The following NFATC1 variants were observed in gnomAD, a reference collection of about 807,000 sequenced individuals.
NFATC1 encodes the protein nuclear factor of activated T-cells, cytoplasmic 1.
Under a neutral mutation model 76.0 loss-of-function variants are expected in NFATC1, and 22 were observed. The observed-to-expected ratio is 0.29, with a 90% confidence interval of 0.21 to 0.41. The LOEUF (loss-of-function observed/expected upper bound fraction) is 0.41, where lower values mean the gene tolerates loss of function less well. Ranked by LOEUF, NFATC1 falls within the 10% of genes least tolerant of loss-of-function variation. The pLI is 1.00. For missense variants in NFATC1, 1,357 were observed against 1,337.7 expected (o/e 1.01, Z -0.23); for synonymous variants, 704 against 613.1 (o/e 1.15, Z -2.19).
chr18:79,522,910 C>G (rs1306748827), intron 9 of NFATC1, among the ~76,000 whole-genome samples: 2 of 152,212 alleles, frequency 1.3e-5, no homozygotes, highest in Non-Finnish European at 2.9e-5. Flanking sequence ...CAGCGGGGCC[C>G]CAGGCCGCCA....
At chr18:79,461,180 G>A in intron 6 of NFATC1, 131 bp from the exon 7 acceptor site, 1 of 966,654 alleles carries the variant, frequency 1.0e-6, no homozygotes, top group South Asian at 1.4e-5. Flanking sequence ...CCCTGGGATG[G>A]GCCTACGTGG....
chr18:79,403,200 T>TC (rs2085325377), intron 1 of NFATC1, among the ~76,000 whole-genome samples: 1 of 152,244 alleles, frequency 6.6e-6, no homozygotes. Context: ...TGGACTTAGG[T>TC]CCAGGCTGCG....
chr18:79,460,023 A>AT (rs1445627936), intron 6 of NFATC1, among the ~76,000 whole-genome samples: 2 of 151,952 alleles, frequency 1.3e-5, no homozygotes, highest in African/African-American at 2.4e-5. Flanking sequence ...GTTTCCTGTA[A>AT]TTTTTTTCCT....
At chr18:79,428,496 C>T (rs927706870) in intron 2 of NFATC1, among the ~76,000 whole-genome samples, 3 of 152,268 alleles carry the variant, frequency 2.0e-5, no homozygotes, top group African/African-American at 7.2e-5. Context: ...AGTGGTTCTG[C>T]GCTCAGGGCA....
chr18:79,404,410 T>C (rs1472100456), intron 1 of NFATC1, among the ~76,000 whole-genome samples: 1 of 152,260 alleles, frequency 6.6e-6, no homozygotes, highest in African/African-American at 2.4e-5. Context: ...CCGGTGCCAC[T>C]GTGAGGCAGC....
chr18:79,508,404 G>C (rs190787590), intron 9 of NFATC1, among the ~76,000 whole-genome samples: 1 of 152,204 alleles, frequency 6.6e-6, no homozygotes, highest in African/African-American at 2.4e-5. Context: ...GTGAGGGGGC[G>C]CATGGGCAGG....
chr18:79,467,292 C>G (rs1391220699), intron 7 of NFATC1, among the ~76,000 whole-genome samples, 158 bp from the exon 8 acceptor site: 2 of 145,436 alleles, frequency 1.4e-5, no homozygotes, highest in Admixed American at 1.3e-4. Flanking sequence ...CAGTCCTGTG[C>G]TGCCGTGGAA....
At chr18:79,513,365 AG>A (rs2090305815) in intron 9 of NFATC1, among the ~76,000 whole-genome samples, 1 of 152,228 alleles carries the variant, frequency 6.6e-6, no homozygotes, top group South Asian at 2.1e-4. Context: ...CTCAAGGACC[AG>A]GCTTGAGGAT....
intron 3 of NFATC1, among the ~76,000 whole-genome samples, chr18:79,445,400 G>A (rs1325991891): frequency 1.3e-5 from 2 of 152,180 alleles, no homozygotes; most frequent in East Asian, 3.9e-4. Flanking sequence ...GTGGCTGGAC[G>A]TCCTCCCATG....
intron 9 of NFATC1, chr18:79,498,325 T>G (rs954754006): frequency 6.8e-6 from 1 of 146,508 alleles, no homozygotes; most frequent in African/African-American, 2.6e-5. Flanking sequence ...TCTTACCAGA[T>G]AGAGAATATC....
Position 79,526,135 on chromosome 18 carries a change from G to A in NFATC1, c.2783-1393G>A, listed in dbSNP as rs530026500. ...CAGCGCCGCCCGAGTGTCACGGAAAGTGCCTCTGGTGAGGAGCTGCCGTGC... is the reference window on the plus strand; with the variant it reads ...CAGCGCCGCCCGAGTGTCACGGAAAATGCCTCTGGTGAGGAGCTGCCGTGC... On this transcript the variant is annotated intron_variant, in intron 9 of 9. Coordinates refer to ENST00000427363, the MANE Select transcript of NFATC1 (RefSeq NM_001278669.2). Among the ~76,000 whole-genome samples the A allele has an allele frequency of 6.6e-5, 10 of 152,404 alleles. No homozygotes were observed. The East Asian group carries it at 1.9e-3, about 29-fold the overall frequency.
intron 6 of NFATC1, 44 bp from the exon 7 acceptor site, chr18:79,461,267 C>A: frequency 6.2e-7 from 1 of 1,611,102 alleles, no homozygotes; most frequent in African/African-American, 1.3e-5. Context: ...GAGGGGGCTC[C>A]CCACCACACA....
intron 9 of NFATC1, among the ~76,000 whole-genome samples, chr18:79,515,084 C>T (rs1302498078): frequency 6.6e-6 from 1 of 152,192 alleles, no homozygotes; most frequent in South Asian, 2.1e-4. Flanking sequence ...GTGGCTCACA[C>T]CTGTAATCCC....
Position 79,411,093 on chromosome 18 carries a change from G to C in NFATC1, c.818G>C (p.Arg273Pro). 7 of 1,612,012 alleles carry C rather than the reference G, an allele frequency of 4.3e-6. No homozygotes were observed. Among genetic ancestry groups the C allele is most frequent in the Non-Finnish European group, 4.2e-6 (5 of 1,179,534 alleles). Reference sequence around the variant, plus strand: ...AAGAGGAAGTACAGCCTCAACGGCCGGCAGCCGCCCTACTCACCCCACCAC... The same window carrying C: ...AAGAGGAAGTACAGCCTCAACGGCCCGCAGCCGCCCTACTCACCCCACCAC... ...CNKRKYSLNGRQPPYSPHHSP... is the reference protein window; with the variant it reads ...CNKRKYSLNGPQPPYSPHHSP... The change falls in exon 2 of 10, where the codon CGG becomes CCG. Residue 273 changes from arginine (R) to proline (P), a missense_variant. Coordinates refer to ENST00000427363, the MANE Select transcript of NFATC1 (RefSeq NM_001278669.2).
intron 2 of NFATC1, among the ~76,000 whole-genome samples, chr18:79,419,711 G>A (rs892303380): frequency 3.9e-5 from 6 of 152,212 alleles, no homozygotes; most frequent in South Asian, 2.1e-4. Context: ...CCTGATGTGC[G>A]TCGGTGACCA....
At chr18:79,492,880 A>G (rs556606362) in intron 9 of NFATC1, among the ~76,000 whole-genome samples, 3 of 148,468 alleles carry the variant, frequency 2.0e-5, no homozygotes, top group Non-Finnish European at 4.4e-5. Flanking sequence ...TCTCAAAAAA[A>G]AAAAAGAAAA....
At chr18:79,451,354 C>A (rs1050780184) in intron 5 of NFATC1, among the ~76,000 whole-genome samples, 1 of 152,270 alleles carries the variant, frequency 6.6e-6, no homozygotes, top group Non-Finnish European at 1.5e-5. Flanking sequence ...TGAGCATGGC[C>A]AGGGAAAGCG....
At chr18:79,525,669 C>G (rs529537325) in intron 9 of NFATC1, among the ~76,000 whole-genome samples, 13 of 152,166 alleles carry the variant, frequency 8.5e-5, no homozygotes, top group Non-Finnish European at 1.6e-4. Context: ...TCTTTCGTCC[C>G]CACAATCACT....
chr18:79,442,983 G>A (rs565058135), intron 3 of NFATC1, among the ~76,000 whole-genome samples: 6 of 152,302 alleles, frequency 3.9e-5, no homozygotes, highest in South Asian at 2.1e-4. Flanking sequence ...CTGCAGCTCC[G>A]CCTGCCCCCT....
Sources: allele counts gnomAD v4.1 joint callset (sites outside exome capture counted in the v4.1 genomes callset), GRCh38; gene constraint gnomAD v4.1.1; transcripts MANE v1.5; gene names NCBI Gene and HGNC (gene_info 2026-07-23, HGNC 2026-07-21).